SUPT6H: variants seen among roughly 807,000 people sequenced by gnomAD.
SUPT6H encodes SPT6 homolog, histone chaperone and transcription elongation factor.
In SUPT6H, 11 loss-of-function variants were observed where a neutral mutation model predicts 222.3. The ratio of observed to expected loss-of-function variants is 0.05; its 90% CI spans 0.03 to 0.08. SUPT6H has a LOEUF of 0.08. Ranked by LOEUF, SUPT6H falls within the 10% of genes least tolerant of loss-of-function variation. The pLI, the probability that SUPT6H is intolerant of heterozygous loss-of-function variation, is 1.00. For missense variants in SUPT6H, 1,422 were observed against 2,216.0 expected (o/e 0.64, Z 7.19); for synonymous variants, 762 against 801.2 (o/e 0.95, Z 0.83).
chr17:28,685,775 C>T (rs987614302), intron 19 of SUPT6H, among the ~76,000 whole-genome samples: 6 of 152,208 alleles, frequency 3.9e-5, no homozygotes, highest in South Asian at 2.1e-4. Flanking sequence ...TGAGCCACTG[C>T]ACCCAGCCCT....
rs142478630 is a variant in SUPT6H at position 28,681,569 on chromosome 17, A to G, written c.1498+165A>G. On this transcript the variant is annotated intron_variant, in intron 12 of 36. Coordinates refer to ENST00000314616, the MANE Select transcript of SUPT6H (RefSeq NM_003170.5). Reference sequence around the variant, plus strand: ...AAACCCCATCTCTACTAAAAATACAAAAGTAGCCAGGGTAGGTGGCACATG... The same window carrying G: ...AAACCCCATCTCTACTAAAAATACAGAAGTAGCCAGGGTAGGTGGCACATG... Among the ~76,000 whole-genome samples, 480 of 152,240 alleles carry G rather than the reference A, an allele frequency of 3.2e-3. 2 individuals carry two copies. The highest frequency in any genetic ancestry group is 5.7e-3 in the Non-Finnish European group (389 of 68,002).
intron 2 of SUPT6H, 124 bp from the exon 3 acceptor site, chr17:28,674,159 A>G (rs1214937564): frequency 1.7e-6 from 2 of 1,167,388 alleles, no homozygotes; most frequent in Non-Finnish European, 2.4e-6. Context: ...TACATGAGGC[A>G]GAAGAGTTAA....
At chr17:28,692,150 T>C (rs1259114872) in intron 27 of SUPT6H, among the ~76,000 whole-genome samples, 24 of 147,854 alleles carry the variant, frequency 1.6e-4, no homozygotes, top group African/African-American at 4.0e-4. Context: ...GGTGAAACCC[T>C]GTCTCTACTA....
chr17:28,676,309 C>T lies in SUPT6H; in HGVS notation c.776C>T (p.Thr259Ile). The stretch of plus-strand genomic sequence containing the variant: ...ATCCGAGTGCGCCCCAAGAAGACCA[C>T]CAAGAAGCGTGTGAGCCGTAGGAGC... ...GEIRVRPKKT[T>I]KKRVSRRSIF... The change falls in exon 7 of 37, where the codon ACC becomes ATC. Residue 259 changes from threonine (T) to isoleucine (I), a missense_variant. Thr to Ile is a moderately conservative substitution (Grantham distance 89). This residue lies in a region of SUPT6H where 389 missense variants were observed against 544.6 expected (regional missense o/e 0.71). Transcript: ENST00000314616. 1.2e-6 allele frequency: 2 copies of T among 1,613,856 alleles called. No homozygotes were observed. Among genetic ancestry groups the T allele is most frequent in the Admixed American group, 1.7e-5 (1 of 59,960 alleles).
Position 28,690,934 on chromosome 17 carries a change from C to T in SUPT6H, c.3504C>T (p.Ile1168=), listed in dbSNP as rs750776331. 6.2e-7 allele frequency: 1 copy of T among 1,613,500 alleles called. No individual in the cohort carries two copies. Among genetic ancestry groups the T allele is most frequent in the Non-Finnish European group, 8.5e-7 (1 of 1,179,998 alleles). The change falls in exon 27 of 37, where the codon ATC becomes ATT. Residue 1168 remains isoleucine, a synonymous_variant. Transcript: ENST00000314616. ...TCCTTCTTGCAGGAAAGCTCATCAT[C>T]TGCAATGTCACTGGCATTGCCCACA... ...PETFYIGKLI[I]CNVTGIAHRR...
chr17:28,678,493 A>G, intron 9 of SUPT6H, 52 bp from the exon 10 acceptor site: 2 of 1,547,386 alleles, frequency 1.3e-6, no homozygotes, highest in Non-Finnish European at 8.9e-7. Flanking sequence ...GACAGAGGGG[A>G]TCTTAGCAAA....
intron 1 of SUPT6H, among the ~76,000 whole-genome samples, chr17:28,673,163 A>G (rs2030532148): frequency 6.6e-6 from 1 of 151,998 alleles, no homozygotes; most frequent in Non-Finnish European, 1.5e-5. Flanking sequence ...AAAAAAAAAA[A>G]AAAAGTACAT....
At chr17:28,686,983 C>T in intron 21 of SUPT6H, 105 bp from the exon 22 acceptor site, 3 of 1,517,946 alleles carry the variant, frequency 2.0e-6, no homozygotes, top group Non-Finnish European at 2.7e-6. Context: ...GAAAAAAGAT[C>T]CCAGAGAAGC....
At position 28,676,322 on chromosome 17, in the gene SUPT6H, G is replaced by A. The variant is rs772997752; in HGVS notation, c.789G>A (p.Val263=). 3 of 1,613,738 alleles carry A rather than the reference G, an allele frequency of 1.9e-6. No individual in the cohort carries two copies. In the African/African-American group the frequency reaches 4.0e-5, roughly 22 times the overall value. ...VRPKKTTKKR[V]SRRSIFEMYE... The stretch of plus-strand genomic sequence containing the variant: ...CCAAGAAGACCACCAAGAAGCGTGT[G>A]AGCCGTAGGAGCATCTTTGAAATGT... Residue 263 remains valine (V), a synonymous_variant, in exon 7 of 37, where the codon GTG becomes GTA. Transcript: ENST00000314616.
chr17:28,697,589 G>T (rs2031980090), intron 30 of SUPT6H, 31 bp from the exon 31 acceptor site: 1 of 1,568,544 alleles, frequency 6.4e-7, no homozygotes, highest in African/African-American at 1.3e-5. Flanking sequence ...CTCTGGATAT[G>T]ACACATGGGG....
chr17:28,685,506 A>G (rs894049940), intron 19 of SUPT6H, among the ~76,000 whole-genome samples: 1 of 146,634 alleles, frequency 6.8e-6, no homozygotes, highest in Non-Finnish European at 1.5e-5. Flanking sequence ...TATTATTATT[A>G]TTGAAACAGA....
intron 1 of SUPT6H, among the ~76,000 whole-genome samples, chr17:28,665,041 C>T (rs747314855): frequency 6.6e-6 from 1 of 152,210 alleles, no homozygotes; most frequent in South Asian, 2.1e-4. Flanking sequence ...AGATCTTCCT[C>T]CAGTTCATTT....
chr17:28,680,939 A>G (rs1178841766), intron 11 of SUPT6H, among the ~76,000 whole-genome samples: 1 of 152,138 alleles, frequency 6.6e-6, no homozygotes, highest in African/African-American at 2.4e-5. Flanking sequence ...GAGCCACTGC[A>G]CCAGCTATGT....
At position 28,687,208 on chromosome 17, in the gene SUPT6H, A is replaced by G; in HGVS notation, c.2821A>G (p.Lys941Glu). The G allele has an allele frequency of 1.9e-6, 3 of 1,614,194 alleles. No individual in the cohort carries two copies. The highest frequency in any genetic ancestry group is 2.5e-6 in the Non-Finnish European group (3 of 1,180,040). The part of the protein sequence containing the change: ...CSSDEDILCL[K>E]FHPLQEHVVK... Reference sequence around the variant, plus strand: ...TTCCGATGAAGACATCCTGTGTCTCAAGTTTCACCCCTTGCAGGTGAGTAG... The same window carrying G: ...TTCCGATGAAGACATCCTGTGTCTCGAGTTTCACCCCTTGCAGGTGAGTAG... The change falls in exon 22 of 37, where the codon AAG becomes GAG. Residue 941 changes from lysine (K) to glutamate (E), a missense_variant. By Grantham distance (56) the Lys-to-Glu change is moderately conservative. This residue lies in a region of SUPT6H where 294 missense variants were observed against 382.1 expected (regional missense o/e 0.77). Coordinates refer to ENST00000314616, the MANE Select transcript of SUPT6H (RefSeq NM_003170.5).
intron 27 of SUPT6H, among the ~76,000 whole-genome samples, chr17:28,692,051 C>T (rs1446205434): frequency 6.6e-6 from 1 of 151,520 alleles, no homozygotes; most frequent in East Asian, 2.0e-4. Context: ...TGGCCGGGCG[C>T]GGTGGCTCAC....
chr17:28,679,087 G>A (rs1228997613), intron 11 of SUPT6H, 124 bp downstream of exon 11: 3 of 1,287,620 alleles, frequency 2.3e-6, no homozygotes, highest in Non-Finnish European at 3.2e-6. Context: ...AATCCAACTT[G>A]TCAACCAGGC....
intron 1 of SUPT6H, among the ~76,000 whole-genome samples, chr17:28,667,403 G>GTATT (rs1432342239): frequency 2.4e-4 from 10 of 42,352 alleles, no homozygotes; most frequent in Non-Finnish European, 4.3e-4. Context: ...AAGTGTGTGT[G>GTATT]TGTATATATA....
At chr17:28,665,056 T>C (rs2029934181) in intron 1 of SUPT6H, among the ~76,000 whole-genome samples, 1 of 152,232 alleles carries the variant, frequency 6.6e-6, no homozygotes, top group South Asian at 2.1e-4. Context: ...TCATTTTCCA[T>C]GTAACAGAAT....
Position 28,688,504 on chromosome 17 carries a change from TTTA to T in SUPT6H, c.3134+294_3134+296del. 1 of 229,064 alleles carries T rather than the reference TTTA, an allele frequency of 4.4e-6. No homozygotes were observed. The highest frequency in any genetic ancestry group is 8.4e-6 in the Non-Finnish European group (1 of 118,628). 14.2% of individuals were successfully genotyped at this position (229,064 alleles called of 1,614,324 possible). A position where few individuals can be genotyped will look rare whatever the true frequency, so the allele number is the denominator to read the frequency against. ...TGTTCAGTAAACACAAACTTGCTTT[TTTA>T]TTATTATGGTTTGTTGTGGCCAGAT... is the stretch of plus-strand genomic sequence containing the variant. On this transcript the variant is annotated intron_variant, in intron 24 of 36. Transcript: ENST00000314616. The surrounding 1 kb of genome is among the most constrained non-coding windows in gnomAD (Gnocchi z 4.3).
Sources: allele counts gnomAD v4.1 joint callset (sites outside exome capture counted in the v4.1 genomes callset), GRCh38; gene constraint gnomAD v4.1.1; regional missense constraint gnomAD v4.1.1; non-coding constraint Gnocchi (gnomAD v3.1); transcripts MANE v1.5; gene names NCBI Gene and HGNC (gene_info 2026-07-23, HGNC 2026-07-21).